The following PTPRD variants were observed in gnomAD, a reference collection of about 807,000 sequenced individuals.
PTPRD encodes protein tyrosine phosphatase receptor type D.
In PTPRD, 34 loss-of-function variants were observed where a neutral mutation model predicts 214.5. That is an observed-to-expected ratio of 0.16 (90% CI 0.12 to 0.21). The LOEUF (loss-of-function observed/expected upper bound fraction) is 0.21, where lower values mean the gene tolerates loss of function less well. PTPRD is among the 10% of genes least tolerant of loss of function. The pLI is 1.00. For synonymous variants in PTPRD, 1,128 were observed against 845.7 expected, an observed-to-expected ratio of 1.33 and a Z score of -5.79; for missense variants, 2,545 against 2,398.7, an observed-to-expected ratio of 1.06 and a Z score of -1.27.
chr9:9,670,929 C>A (rs540756004), intron 7 of PTPRD, among the ~76,000 whole-genome samples: 3 of 152,148 alleles, frequency 2.0e-5, no homozygotes, highest in Admixed American at 6.5e-5. Flanking sequence ...TGGAGATCCC[C>A]ACAGAGTCTC....
At chr9:8,944,728 A>AC (rs2099053391) in intron 11 of PTPRD, among the ~76,000 whole-genome samples, 1 of 152,206 alleles carries the variant, frequency 6.6e-6, no homozygotes, top group Admixed American at 6.5e-5. Flanking sequence ...AGATAGGATG[A>AC]CGGTTACCAG....
intron 10 of PTPRD, among the ~76,000 whole-genome samples, chr9:9,104,833 G>A (rs1313995779): frequency 1.3e-5 from 2 of 152,126 alleles, no homozygotes; most frequent in Non-Finnish European, 2.9e-5. Context: ...AGGGGAGTTC[G>A]ACGTGATTCC....
intron 8 of PTPRD, among the ~76,000 whole-genome samples, chr9:9,488,024 C>T (rs2095729338): frequency 6.6e-6 from 1 of 152,102 alleles, no homozygotes; most frequent in African/African-American, 2.4e-5. Flanking sequence ...TGCCATAAAC[C>T]TATGAGGTAG....
chr9:8,628,267 T>C (rs1354694780), intron 14 of PTPRD, among the ~76,000 whole-genome samples: 1 of 151,864 alleles, frequency 6.6e-6, no homozygotes, highest in Non-Finnish European at 1.5e-5. Flanking sequence ...CTAATTCTGA[T>C]CACAGGGTAC....
At chr9:9,448,717 G>A (rs1278946594) in intron 8 of PTPRD, among the ~76,000 whole-genome samples, 1 of 152,030 alleles carries the variant, frequency 6.6e-6, no homozygotes, top group Non-Finnish European at 1.5e-5. Context: ...ATTTAATGGA[G>A]TCCTTTAAGA....
intron 4 of PTPRD, among the ~76,000 whole-genome samples, chr9:10,019,550 G>A (rs1261272302): frequency 6.6e-6 from 1 of 152,108 alleles, no homozygotes; most frequent in Non-Finnish European, 1.5e-5. Flanking sequence ...ATGATAGACT[G>A]GATTAAGAAA....
chr9:8,353,838 A>ATGTGTATATATGTATATATGTATATATG (rs756242146), intron 39 of PTPRD, among the ~76,000 whole-genome samples: 2 of 46,660 alleles, frequency 4.3e-5, no homozygotes, highest in African/African-American at 1.2e-4. Context: ...ATATGTATAT[A>ATGTGTATATATGTATATATGTATATATG]TGTATATATG....
chr9:10,146,686 G>T (rs2099024884), intron 3 of PTPRD, among the ~76,000 whole-genome samples: 2 of 152,132 alleles, frequency 1.3e-5, no homozygotes, highest in Admixed American at 6.6e-5. Flanking sequence ...GTAGAGAAAA[G>T]TCAACACAAG....
intron 8 of PTPRD, among the ~76,000 whole-genome samples, chr9:9,493,806 AAAAAG>A (rs1555480380): frequency 4.2e-5 from 6 of 143,772 alleles, no homozygotes; most frequent in Non-Finnish European, 6.1e-5. Flanking sequence ...AAAAAAAAAA[AAAAAG>A]AAAAGAAAAG....
chr9:9,096,227 C>T (rs1366279582), intron 10 of PTPRD, among the ~76,000 whole-genome samples: 1 of 152,182 alleles, frequency 6.6e-6, no homozygotes, highest in Non-Finnish European at 1.5e-5. Flanking sequence ...ATTTTAGCCA[C>T]CGTTGCCACA....
intron 11 of PTPRD, among the ~76,000 whole-genome samples, chr9:8,990,292 C>A (rs1358427713): frequency 6.6e-6 from 1 of 152,124 alleles, no homozygotes; most frequent in Non-Finnish European, 1.5e-5. Context: ...TTAAATGATT[C>A]TGCATCAGTT....
At chr9:9,897,403 G>T (rs536527805) in intron 5 of PTPRD, among the ~76,000 whole-genome samples, 1 of 151,774 alleles carries the variant, frequency 6.6e-6, no homozygotes, top group South Asian at 2.1e-4. Context: ...TAGGATTTTT[G>T]TAAGTAAAAA....
intron 2 of PTPRD, among the ~76,000 whole-genome samples, chr9:10,556,297 C>T (rs550756827): frequency 7.9e-5 from 12 of 151,104 alleles, no homozygotes; most frequent in African/African-American, 2.4e-4. Flanking sequence ...CGAAATTTTA[C>T]AATGTATGTG....
chr9:8,458,713 A>G (rs554976708), intron 33 of PTPRD, among the ~76,000 whole-genome samples: 2 of 152,198 alleles, frequency 1.3e-5, no homozygotes, highest in Admixed American at 6.5e-5. Context: ...TCCTGCCCTT[A>G]TCTCTTACAT....
At chr9:10,129,577 A>G (rs1229630033) in intron 3 of PTPRD, among the ~76,000 whole-genome samples, 1 of 144,524 alleles carries the variant, frequency 6.9e-6, no homozygotes, top group African/African-American at 2.6e-5. Context: ...CTCACCTACT[A>G]TCAAGAAATC....
Position 9,321,754 on chromosome 9 carries a change from C to A in PTPRD, c.-203+75695G>T, listed in dbSNP as rs557641721. The stretch of plus-strand genomic sequence containing the variant: ...TTTATTTTCTCTATCTTGATTTCTA[C>A]ATTTGTAGAATGGGAGTTGTAGCAG... On this transcript the variant is annotated intron_variant, in intron 9 of 45. Coordinates refer to ENST00000381196, the MANE Select transcript of PTPRD (RefSeq NM_002839.4). Among the ~76,000 whole-genome samples, 328 of 152,210 alleles carry A rather than the reference C, an allele frequency of 2.2e-3. 1 individual carries two copies. The highest frequency in any genetic ancestry group is 7.2e-3 in the African/African-American group (301 of 41,532).
At chr9:10,229,046 T>C (rs1024700887) in intron 3 of PTPRD, among the ~76,000 whole-genome samples, 11 of 151,926 alleles carry the variant, frequency 7.2e-5, no homozygotes, top group Non-Finnish European at 4.4e-5. Context: ...AACAACCAGT[T>C]GTAAGCAATG....
At chr9:10,503,208 C>CAAAAAAAA (rs1182534691) in intron 2 of PTPRD, among the ~76,000 whole-genome samples, 1 of 118,456 alleles carries the variant, frequency 8.4e-6, no homozygotes, top group African/African-American at 3.0e-5. Flanking sequence ...AAAAAAAAAA[C>CAAAAAAAA]AAAAAAAAAC....
chr9:8,904,868 C>A (rs2098696763), intron 11 of PTPRD, among the ~76,000 whole-genome samples: 1 of 152,246 alleles, frequency 6.6e-6, no homozygotes, highest in South Asian at 2.1e-4. Flanking sequence ...AACTAAATTT[C>A]ATGTTTCTGA....
Sources: gnomAD v4.1 joint callset for allele counts (sites outside exome capture counted in the v4.1 genomes callset) on GRCh38, gnomAD v4.1.1 for gene constraint, MANE v1.5 for transcripts, NCBI Gene and HGNC (gene_info 2026-07-23, HGNC 2026-07-21) for gene names.